The following ARHGEF18 variants were observed in gnomAD, a reference collection of about 807,000 sequenced individuals.
ARHGEF18 encodes the protein Rho/Rac guanine nucleotide exchange factor 18, also known as rho guanine nucleotide exchange factor 18.
ARHGEF18 carries 93 observed loss-of-function variants against 155.7 expected under a neutral mutation model. The ratio of observed to expected loss-of-function variants is 0.60; its 90% CI spans 0.50 to 0.71. The LOEUF is 0.71. Ranked by LOEUF, ARHGEF18 falls within the 30% of genes least tolerant of loss-of-function variation. The probability of loss-of-function intolerance (pLI) is 0.00; values close to 1 mark genes in which losing one functional copy is unlikely to be tolerated. For missense variants in ARHGEF18, 1,593 were observed against 1,816.1 expected, an observed-to-expected ratio of 0.88 and a Z score of 2.23; for synonymous variants, 742 against 753.1, an observed-to-expected ratio of 0.99 and a Z score of 0.24.
intron 15 of ARHGEF18, 49 bp from the exon 16 acceptor site, chr19:7,451,100 C>G (rs974870615): frequency 7.2e-7 from 1 of 1,393,452 alleles, no homozygotes; most frequent in Non-Finnish European, 9.5e-7. Context: ...CAGGATCTTG[C>G]TGTCCGTTTC....
chr19:7,394,359 T>G (rs1056249038), intron 10 of ARHGEF18, among the ~76,000 whole-genome samples: 4 of 152,150 alleles, frequency 2.6e-5, no homozygotes, highest in South Asian at 2.1e-4. Context: ...TGATGCTGCT[T>G]CTTTTTTCTC....
intron 10 of ARHGEF18, among the ~76,000 whole-genome samples, chr19:7,404,461 T>C (rs1297771023): frequency 1.4e-5 from 2 of 146,402 alleles, no homozygotes; most frequent in African/African-American, 5.1e-5. Flanking sequence ...CTCTCTCTTT[T>C]TTTTTTTTTT....
At chr19:7,439,652 A>C in intron 10 of ARHGEF18, 2 of 1,141,530 alleles carry the variant, frequency 1.8e-6, no homozygotes, top group Non-Finnish European at 2.2e-6. Flanking sequence ...CTTCGATGCT[A>C]GAATTCTGTT....
chr19:7,415,070 T>G (rs1254244989), intron 10 of ARHGEF18, among the ~76,000 whole-genome samples: 1 of 151,888 alleles, frequency 6.6e-6, no homozygotes, highest in Admixed American at 6.6e-5. Context: ...TGTTCTCCCC[T>G]CCCCCAAAAT....
At chr19:7,374,009 C>A (rs1183174524) in intron 3 of ARHGEF18, among the ~76,000 whole-genome samples, 5 of 152,030 alleles carry the variant, frequency 3.3e-5, no homozygotes, top group Non-Finnish European at 7.4e-5. Context: ...GATCCTCCCG[C>A]CTTGGCCTCC....
intron 1 of ARHGEF18, chr19:7,355,625 C>T: frequency 1.0e-6 from 1 of 985,466 alleles, no homozygotes; most frequent in Non-Finnish European, 1.2e-6. Context: ...ACGCATGGCC[C>T]CCATGGCTGA....
intron 1 of ARHGEF18, among the ~76,000 whole-genome samples, chr19:7,355,099 CACACACACACACACAG>C (rs1969253651): frequency 2.0e-5 from 1 of 50,044 alleles, no homozygotes; most frequent in Non-Finnish European, 6.9e-5. Flanking sequence ...CACACACACA[CACACACACACACACAG>C]ACAATCACAG....
chr19:7,384,804 ACCT>A (rs1370561932), intron 10 of ARHGEF18, among the ~76,000 whole-genome samples: 3 of 147,070 alleles, frequency 2.0e-5, no homozygotes, highest in African/African-American at 5.0e-5. Flanking sequence ...CAATCCTCCC[ACCT>A]CCTCCTCCCG....
chr19:7,444,716 C>T lies in ARHGEF18; in HGVS notation c.1611+262C>T, dbSNP rs1568341669. On this transcript the variant is annotated intron_variant, in intron 14 of 28. Transcript: ENST00000668164. The surrounding 1 kb of genome is among the most constrained non-coding windows in gnomAD (Gnocchi z 4.7). ...TAGAGATGAGGTCTCACTCTATGGC[C>T]CAGGCTGGTCTTGAACTCCTGAGCT... 6.6e-6 allele frequency among the ~76,000 whole-genome samples: 1 copy of T among 152,056 alleles called. No individual in the cohort carries two copies. The highest frequency in any genetic ancestry group is 2.4e-5 in the African/African-American group (1 of 41,408).
At chr19:7,384,647 C>T (rs1018958625) in intron 10 of ARHGEF18, among the ~76,000 whole-genome samples, 1 of 152,036 alleles carries the variant, frequency 6.6e-6, no homozygotes, top group African/African-American at 2.4e-5. Flanking sequence ...AGCTCTGTGA[C>T]CCATGAGCTG....
At chr19:7,460,078 GC>G in intron 20 of ARHGEF18, 84 bp downstream of exon 20, 4 of 1,325,102 alleles carry the variant, frequency 3.0e-6, no homozygotes, top group Non-Finnish European at 4.2e-6. Flanking sequence ...AGGGTGAACT[GC>G]CCCCCAGGTG....
In ARHGEF18 at chr19:7,395,219, G is replaced by A. The variant is rs1322258419; in HGVS notation, c.967+12016G>A. The A allele has an allele frequency of 2.0e-6, 2 of 986,834 alleles. No individual in the cohort carries two copies. The highest frequency in any genetic ancestry group is 2.3e-4 in the East Asian group (2 of 8,888). 61.1% of individuals were successfully genotyped at this position (986,834 alleles called of 1,614,324 possible). A position where few individuals can be genotyped will look rare whatever the true frequency, so the allele number is the denominator to read the frequency against. ...TGCGAGAGTGGCAGAGGAGCTGGCG[G>A]AGAGCGGCCTGCGGGCGATCGGGCC... On this transcript the variant is annotated intron_variant, in intron 10 of 28. Coordinates refer to ENST00000668164, the MANE Select transcript of ARHGEF18 (RefSeq NM_001367823.1). This position sits in a 1 kb window ranked among gnomAD's most constrained non-coding sequence, Gnocchi z 5.0.
At chr19:7,374,356 A>T (rs777367279) in intron 3 of ARHGEF18, among the ~76,000 whole-genome samples, 3 of 152,064 alleles carry the variant, frequency 2.0e-5, no homozygotes, top group Non-Finnish European at 4.4e-5. Flanking sequence ...CAAGTGACCG[A>T]GCATGCATGC....
At chr19:7,455,957 G>A (rs368295170) in intron 17 of ARHGEF18, among the ~76,000 whole-genome samples, 6 of 152,318 alleles carry the variant, frequency 3.9e-5, no homozygotes, top group African/African-American at 1.2e-4. Flanking sequence ...CTTACAGCAC[G>A]TGGGAATTCA....
chr19:7,391,004 C>T (rs138731239), intron 10 of ARHGEF18, among the ~76,000 whole-genome samples: 1,694 of 152,194 alleles, frequency 0.011, 10 homozygotes, highest in Admixed American at 0.018. Context: ...CACACCACTG[C>T]ACTCCAGCCC....
Position 7,375,567 on chromosome 19 carries a change from T to C in ARHGEF18, c.276-153T>C, listed in dbSNP as rs149895628. On this transcript the variant is annotated intron_variant, in intron 3 of 28. Coordinates refer to ENST00000668164, the MANE Select transcript of ARHGEF18 (RefSeq NM_001367823.1). ...CCCCTTGCCACCCACTCCTCTCATATTGGGAGGTCTGGACCCCTTTCTGTG... is the reference window on the plus strand; with the variant it reads ...CCCCTTGCCACCCACTCCTCTCATACTGGGAGGTCTGGACCCCTTTCTGTG... Among the ~76,000 whole-genome samples, 483 of 152,310 alleles carry C rather than the reference T, an allele frequency of 3.2e-3. 1 individual carries two copies. Among genetic ancestry groups the C allele is most frequent in the African/African-American group, 0.011 (461 of 41,572 alleles).
At chr19:7,479,863 G>A in the ARHGEF18 span, among the ~76,000 whole-genome samples, 69 of 152,322 alleles carry the variant, frequency 4.5e-4, 1 homozygote, top group African/African-American at 1.6e-3. Context: ...TGTAACAAAT[G>A]CACCATGTGG....
At position 7,352,531 on chromosome 19, in the gene ARHGEF18, CTT is replaced by C. The variant is rs35219215; in HGVS notation, c.-111+3309_-111+3310del. Reference sequence around the variant, plus strand: ...TGTCCTTCTCACTTTCCTAGGTTTCCTTTTTTTTTTTTTTTTTTTTGAGATGG... The same window carrying C: ...TGTCCTTCTCACTTTCCTAGGTTTCCTTTTTTTTTTTTTTTTTTGAGATGG... On this transcript the variant is annotated intron_variant, in intron 1 of 28. Coordinates refer to ENST00000668164, the MANE Select transcript of ARHGEF18 (RefSeq NM_001367823.1). 1.8e-3 allele frequency among the ~76,000 whole-genome samples: 172 copies of C among 93,182 alleles called. No homozygotes were observed. The East Asian group carries it at 0.048, about 26-fold the overall frequency. The allele number at this position is 93,182 out of a possible 152,430, so 61.1% of individuals were successfully genotyped here.
rs148267906 is a variant in ARHGEF18 at position 7,364,964 on chromosome 19, G to A, written c.15+2059G>A. On this transcript the variant is annotated intron_variant, in intron 2 of 28. Coordinates refer to ENST00000668164, the MANE Select transcript of ARHGEF18 (RefSeq NM_001367823.1). ...TGATGGGCTGCCCAGGAAGGGGGCT[G>A]AGAACTGACAGTTCCTTCTCCCACA... Among the ~76,000 whole-genome samples the A allele has an allele frequency of 1.8e-3, 272 of 152,302 alleles. 3 individuals carry two copies. In the East Asian group the frequency reaches 0.044, roughly 25 times the overall value.
Sources: gnomAD v4.1 joint callset for allele counts (sites outside exome capture counted in the v4.1 genomes callset) on GRCh38, gnomAD v4.1.1 for gene constraint, Gnocchi (gnomAD v3.1) non-coding constraint, MANE v1.5 for transcripts, NCBI Gene and HGNC (gene_info 2026-07-23, HGNC 2026-07-21) for gene names.